CFAP54: variants seen among roughly 807,000 people sequenced by gnomAD.
The protein encoded by CFAP54 is cilia- and flagella-associated protein 54.
In CFAP54, 290 loss-of-function variants were observed where a neutral mutation model predicts 370.4. That is an observed-to-expected ratio of 0.78 (90% confidence interval 0.71 to 0.86). CFAP54 has a LOEUF of 0.86. CFAP54 is among the 40% of genes least tolerant of loss of function. The pLI is 0.00. For synonymous variants in CFAP54, 1,206 were observed against 1,236.5 expected (o/e 0.98, Z 0.52); for missense variants, 3,399 against 3,528.7 (o/e 0.96, Z 0.93).
chr12:96,635,782 A>G (rs556352234), intron 32 of CFAP54, among the ~76,000 whole-genome samples: 177 of 152,340 alleles, frequency 1.2e-3, no homozygotes, highest in African/African-American at 4.1e-3. Flanking sequence ...TTAAATGTTT[A>G]CTAGCTTAAT....
chr12:96,805,168 G>A (rs1183370866), intron 63 of CFAP54, among the ~76,000 whole-genome samples: 2 of 151,966 alleles, frequency 1.3e-5, no homozygotes, highest in Non-Finnish European at 1.5e-5. Flanking sequence ...AATTCTCCTG[G>A]ACATTGGCCT....
intron 19 of CFAP54, among the ~76,000 whole-genome samples, chr12:96,574,023 T>C (rs1018592216): frequency 5.3e-5 from 8 of 152,234 alleles, no homozygotes; most frequent in African/African-American, 1.9e-4. Context: ...ATGTCAACCA[T>C]TTCCAATAAA....
chr12:96,612,940 C>G (rs1036517561), intron 26 of CFAP54, among the ~76,000 whole-genome samples: 2 of 152,192 alleles, frequency 1.3e-5, no homozygotes, highest in Non-Finnish European at 2.9e-5. Context: ...TAACACCACA[C>G]TGTCAACTTT....
chr12:96,634,077 A>ATGGAG (rs1394146721), intron 32 of CFAP54, among the ~76,000 whole-genome samples: 4 of 52,452 alleles, frequency 7.6e-5, no homozygotes. Flanking sequence ...TTTTTTTGAG[A>ATGGAG]TGGAGTCTCA....
At chr12:96,694,180 A>C (rs1678851047) in intron 45 of CFAP54, among the ~76,000 whole-genome samples, 1 of 152,194 alleles carries the variant, frequency 6.6e-6, no homozygotes, top group African/African-American at 2.4e-5. Flanking sequence ...GGTACACAAG[A>C]ATTTTTCAAT....
chr12:96,842,330 A>G (rs942221699), intron 66 of CFAP54, among the ~76,000 whole-genome samples: 33 of 152,132 alleles, frequency 2.2e-4, no homozygotes, highest in South Asian at 1.0e-3. Context: ...ACATCTTGCA[A>G]AACTGCTGCA....
At chr12:96,620,504 T>C (rs1956475103) in intron 26 of CFAP54, among the ~76,000 whole-genome samples, 1 of 152,250 alleles carries the variant, frequency 6.6e-6, no homozygotes, top group Non-Finnish European at 1.5e-5. Flanking sequence ...CCCAGCCCTG[T>C]TAAATTGTGA....
chr12:96,842,136 A>G (rs890562232), intron 66 of CFAP54, among the ~76,000 whole-genome samples: 8 of 152,244 alleles, frequency 5.3e-5, no homozygotes, highest in African/African-American at 1.9e-4. Context: ...GTAAATGACC[A>G]TTTTAATATG....
At chr12:96,581,768 A>G (rs957214263) in intron 22 of CFAP54, among the ~76,000 whole-genome samples, 1 of 152,028 alleles carries the variant, frequency 6.6e-6, no homozygotes, top group Non-Finnish European at 1.5e-5. Flanking sequence ...TTACATCCTG[A>G]TATTTTCACT....
intron 66 of CFAP54, among the ~76,000 whole-genome samples, chr12:96,837,194 T>C (rs1387333171): frequency 2.6e-5 from 4 of 152,232 alleles, no homozygotes; most frequent in Non-Finnish European, 5.9e-5. Flanking sequence ...TAATTCTTAT[T>C]CTAGTAAGTT....
intron 55 of CFAP54, among the ~76,000 whole-genome samples, chr12:96,748,565 G>A (rs1261066753): frequency 2.6e-5 from 4 of 151,838 alleles, no homozygotes; most frequent in East Asian, 1.9e-4. Context: ...CATGTTCTCT[G>A]CAAATACCTT....
chr12:96,558,907 C>T (rs1046090695), intron 17 of CFAP54, among the ~76,000 whole-genome samples: 1 of 152,052 alleles, frequency 6.6e-6, no homozygotes, highest in African/African-American at 2.4e-5. Context: ...AGCTTCTGCC[C>T]AGCAAAGGAT....
chr12:96,797,703 C>A (rs1177543852), intron 63 of CFAP54, among the ~76,000 whole-genome samples: 1 of 151,952 alleles, frequency 6.6e-6, no homozygotes, highest in Non-Finnish European at 1.5e-5. Flanking sequence ...TTATTATTTT[C>A]ATGGTAATAT....
At chr12:96,519,161 T>C in intron 6 of CFAP54, 90 bp downstream of exon 6, 2 of 1,271,266 alleles carry the variant, frequency 1.6e-6, no homozygotes, top group Non-Finnish European at 2.1e-6. Flanking sequence ...TGCAGTGATG[T>C]GATCTCGGCT....
intron 1 of CFAP54, among the ~76,000 whole-genome samples, chr12:96,500,633 T>C (rs1278387356): frequency 6.6e-6 from 1 of 152,168 alleles, no homozygotes; most frequent in African/African-American, 2.4e-5. Context: ...AAAAAAAATA[T>C]GTAAAGGGCT....
intron 34 of CFAP54, among the ~76,000 whole-genome samples, chr12:96,648,327 AG>A (rs1182912973): frequency 6.6e-6 from 1 of 152,218 alleles, no homozygotes; most frequent in Non-Finnish European, 1.5e-5. Flanking sequence ...GGTTCAAGAT[AG>A]GTGAAGACTT....
In CFAP54 at chr12:96,512,992, T is replaced by C. The variant is rs537365913; in HGVS notation, c.746T>C (p.Ile249Thr). Reference sequence around the variant, plus strand: ...AATCGTTTTCTCCATCCAGGTACCATTTATATTTACACCATTTGCAGAAAA... The same window carrying C: ...AATCGTTTTCTCCATCCAGGTACCACTTATATTTACACCATTTGCAGAAAA... ...HLCWIIFNGTIYIYTICRKLM... is the reference protein window; with the variant it reads ...HLCWIIFNGTTYIYTICRKLM... The change falls in exon 5 of 68, where the codon ATT becomes ACT. Residue 249 changes from isoleucine (I) to threonine (T), a missense_variant. By Grantham distance (89) the Ile-to-Thr change is moderately conservative. This residue lies in a region of CFAP54 where 559 missense variants were observed against 576.7 expected (regional missense o/e 0.97). Coordinates refer to ENST00000524981, the MANE Select transcript of CFAP54 (RefSeq NM_001306084.2). The C allele has an allele frequency of 1.3e-4, 201 of 1,516,356 alleles. No individual in the cohort carries two copies. Among genetic ancestry groups the C allele is most frequent in the Non-Finnish European group, 1.7e-4 (189 of 1,135,388 alleles). The allele number at this position is 1,516,356 out of a possible 1,614,324, so 93.9% of individuals were successfully genotyped here. A position where few individuals can be genotyped will look rare whatever the true frequency, so the allele number is the denominator to read the frequency against.
chr12:96,751,985 T>A (rs1822934445), intron 55 of CFAP54, among the ~76,000 whole-genome samples: 1 of 152,124 alleles, frequency 6.6e-6, no homozygotes, highest in Middle Eastern at 3.4e-3. Context: ...TTCCTCTCCA[T>A]ATTCTTCTTC....
chr12:96,557,811 C>T (rs4762154), intron 17 of CFAP54, among the ~76,000 whole-genome samples: 8,837 of 151,520 alleles, frequency 0.058, 624 homozygotes, highest in African/African-American at 0.16. Flanking sequence ...TAATAAGTAA[C>T]GTAATAATTG....
Sources: allele counts gnomAD v4.1 joint callset (sites outside exome capture counted in the v4.1 genomes callset), GRCh38; gene constraint gnomAD v4.1.1; regional missense constraint gnomAD v4.1.1; transcripts MANE v1.5; gene names NCBI Gene and HGNC (gene_info 2026-07-23, HGNC 2026-07-21).